The following ARFGEF3 variants were observed in gnomAD, a reference collection of about 807,000 sequenced individuals.
ARFGEF3 encodes brefeldin A-inhibited guanine nucleotide-exchange protein 3.
ARFGEF3 carries 96 observed loss-of-function variants against 221.7 expected under a neutral mutation model. That is an observed-to-expected ratio of 0.43 (90% CI 0.37 to 0.51). ARFGEF3 has a LOEUF of 0.51. ARFGEF3 is among the 20% of genes least tolerant of loss of function. The probability of loss-of-function intolerance (pLI) is 0.00; values close to 1 mark genes in which losing one functional copy is unlikely to be tolerated. For synonymous variants in ARFGEF3, 1,145 were observed against 1,126.8 expected, an observed-to-expected ratio of 1.02 and a Z score of -0.32; for missense variants, 2,410 against 2,789.9, an observed-to-expected ratio of 0.86 and a Z score of 3.07.
chr6:138,218,337 A>G, intron 4 of ARFGEF3: 1 of 1,555,994 alleles, frequency 6.4e-7, no homozygotes, highest in Non-Finnish European at 8.7e-7. Context: ...TCTGATCTGT[A>G]AAATGTGAAT....
intron 14 of ARFGEF3, among the ~76,000 whole-genome samples, chr6:138,284,556 C>T (rs1779253579): frequency 6.6e-6 from 1 of 152,100 alleles, no homozygotes; most frequent in South Asian, 2.1e-4. Context: ...CAGTCCTTTC[C>T]TCGCCATAAC....
intron 2 of ARFGEF3, among the ~76,000 whole-genome samples, chr6:138,198,678 C>G (rs1267652760): frequency 6.8e-6 from 1 of 146,434 alleles, no homozygotes; most frequent in Non-Finnish European, 1.5e-5. Flanking sequence ...AACTCAGCAG[C>G]TAGTTCCAAA....
chr6:138,190,895 T>C (rs1340872187), intron 2 of ARFGEF3, among the ~76,000 whole-genome samples: 2 of 152,170 alleles, frequency 1.3e-5, no homozygotes, highest in Non-Finnish European at 2.9e-5. Flanking sequence ...TTCCCTGTGG[T>C]GGAGAGAGAA....
chr6:138,265,660 C>T (rs769749607), intron 12 of ARFGEF3, among the ~76,000 whole-genome samples: 1 of 152,144 alleles, frequency 6.6e-6, no homozygotes, highest in Non-Finnish European at 1.5e-5. Flanking sequence ...CTCTCAGACA[C>T]ACCCACCCAA....
chr6:138,288,410 G>A (rs1166508779), intron 17 of ARFGEF3, among the ~76,000 whole-genome samples: 1 of 151,140 alleles, frequency 6.6e-6, no homozygotes, highest in Non-Finnish European at 1.5e-5. Flanking sequence ...ACAGCCAGGC[G>A]CAGTGGCTTA....
At chr6:138,284,227 C>T (rs1004463841) in intron 14 of ARFGEF3, among the ~76,000 whole-genome samples, 2 of 152,088 alleles carry the variant, frequency 1.3e-5, no homozygotes, top group Non-Finnish European at 2.9e-5. Context: ...ATCGCTTGAA[C>T]CTGGGAGGTG....
chr6:138,329,588 C>G (rs1780186854), intron 32 of ARFGEF3, among the ~76,000 whole-genome samples: 1 of 152,168 alleles, frequency 6.6e-6, no homozygotes, highest in Non-Finnish European at 1.5e-5. Context: ...CGCTTGAACC[C>G]AGAAGGCGGA....
At position 138,336,453 on chromosome 6, in the gene ARFGEF3, C is replaced by T; in HGVS notation, c.6501C>T (p.Gly2167=). The T allele has an allele frequency of 6.2e-7, 1 of 1,610,978 alleles. No individual in the cohort carries two copies. The highest frequency in any genetic ancestry group is 8.5e-7 in the Non-Finnish European group (1 of 1,178,722). Residue 2167 remains glycine, a synonymous_variant, in exon 34 of 34, where the codon GGC becomes GGT. Transcript: ENST00000251691. ...GCCAGGCTGTGAGGGAGTGGCTGGG[C>T]AGGGTGGGCCGTGTCTATGACATCA... ...RVRQAVREWL[G]RVGRVYDIIV is the part of the protein sequence containing the mutation.
At position 138,176,934 on chromosome 6, in the gene ARFGEF3, G is replaced by A. The variant is rs75307836; in HGVS notation, c.137+6221G>A. Among the ~76,000 whole-genome samples the A allele has an allele frequency of 2.2e-3, 338 of 151,962 alleles. 1 individual carries two copies. Among genetic ancestry groups the A allele is most frequent in the African/African-American group, 7.9e-3 (329 of 41,496 alleles). On this transcript the variant is annotated intron_variant, in intron 2 of 33. Coordinates refer to ENST00000251691, the MANE Select transcript of ARFGEF3 (RefSeq NM_020340.5). ...CTTTGTTTTTCAGCATTTTGAAAAT[G>A]TCATTCAATTTTCTTCTATCTAAGA...
chr6:138,186,545 G>A (rs540279262), intron 2 of ARFGEF3, among the ~76,000 whole-genome samples: 1 of 152,298 alleles, frequency 6.6e-6, no homozygotes, highest in African/African-American at 2.4e-5. Context: ...AGGGTTACAC[G>A]GGAGGCAGGA....
At chr6:138,308,266 C>G (rs1779762719) in intron 23 of ARFGEF3, among the ~76,000 whole-genome samples, 1 of 152,186 alleles carries the variant, frequency 6.6e-6, no homozygotes, top group Admixed American at 6.5e-5. Context: ...TGGGAGTACT[C>G]TGAGAGCTGA....
chr6:138,263,325 C>T lies in ARFGEF3; in HGVS notation c.1842C>T (p.Tyr614=). ...SRTEFDSCDQ[Y]SMAAEKDSGR... ...CAGAGTTTGATTCCTGTGATCAGTACTCTATGGCAGCAGAAAAGGACTCGG... is the reference window on the plus strand; with the variant it reads ...CAGAGTTTGATTCCTGTGATCAGTATTCTATGGCAGCAGAAAAGGACTCGG... The change falls in exon 12 of 34, where the codon TAC becomes TAT. Residue 614 remains tyrosine (Y), a synonymous_variant. Transcript: ENST00000251691. 6.2e-7 allele frequency: 1 copy of T among 1,613,988 alleles called. No individual in the cohort carries two copies. The highest frequency in any genetic ancestry group is 8.5e-7 in the Non-Finnish European group (1 of 1,179,902).
chr6:138,193,150 A>G (rs1442274256), intron 2 of ARFGEF3, among the ~76,000 whole-genome samples: 1 of 152,178 alleles, frequency 6.6e-6, no homozygotes, highest in Admixed American at 6.5e-5. Context: ...CTTCCCTATC[A>G]GGTCACAATG....
chr6:138,278,629 G>T lies in ARFGEF3; in HGVS notation c.2295+12G>T, dbSNP rs375219047. 1.9e-6 allele frequency: 3 copies of T among 1,612,748 alleles called. No individual in the cohort carries two copies. Among genetic ancestry groups the T allele is most frequent in the Non-Finnish European group, 2.5e-6 (3 of 1,179,392 alleles). On this transcript the variant is annotated intron_variant, in intron 13 of 33. Transcript: ENST00000251691. ...CGCCAGGCGTGATGGTGAGTGTGCC[G>T]TCCCTCATTGGACTGGCAGAGGGCA... is the stretch of plus-strand genomic sequence containing the variant.
rs540523488 is a variant in ARFGEF3 at position 138,305,475 on chromosome 6, G to T, written c.3829-1778G>T. 9.9e-5 allele frequency among the ~76,000 whole-genome samples: 15 copies of T among 151,944 alleles called. No homozygotes were observed. The South Asian group carries it at 2.9e-3, about 29-fold the overall frequency. ...ATATATATACATATAGCTGGGTGTG[G>T]TGATGCATGCCTGTAGTCCCAGCTG... On this transcript the variant is annotated intron_variant, in intron 22 of 33. Transcript: ENST00000251691.
intron 4 of ARFGEF3, among the ~76,000 whole-genome samples, chr6:138,226,130 C>G (rs182101522): frequency 6.5e-4 from 99 of 152,246 alleles, no homozygotes; most frequent in African/African-American, 2.3e-3. Flanking sequence ...ACAGAGAAAC[C>G]CCCGATCATG....
intron 22 of ARFGEF3, among the ~76,000 whole-genome samples, chr6:138,304,319 A>G (rs1244729371): frequency 6.6e-6 from 1 of 152,196 alleles, no homozygotes; most frequent in Non-Finnish European, 1.5e-5. Context: ...AAAGTACATT[A>G]GTGGTTGCCT....
In ARFGEF3 at chr6:138,289,825, A is replaced by G. The variant is rs779378146; in HGVS notation, c.2904A>G (p.Leu968=). 1 of 1,613,612 alleles carries G rather than the reference A, an allele frequency of 6.2e-7. No individual in the cohort carries two copies. Among genetic ancestry groups the G allele is most frequent in the Non-Finnish European group, 8.5e-7 (1 of 1,179,670 alleles). The change falls in exon 18 of 34, where the codon CTA becomes CTG. Residue 968 remains leucine, a synonymous_variant. Coordinates refer to ENST00000251691, the MANE Select transcript of ARFGEF3 (RefSeq NM_020340.5). ...EPSDAITQVK[L]KVEQKLEQIG... ...AATGTCTTTCTGGCACAGTGAAACT[A>G]AAAGTGGAGCAGAAACTGGAGCAGA...
intron 21 of ARFGEF3, among the ~76,000 whole-genome samples, chr6:138,297,875 A>G (rs1779550017): frequency 6.6e-6 from 1 of 152,090 alleles, no homozygotes; most frequent in South Asian, 2.1e-4. Context: ...GCTGGTGCAA[A>G]GTCTGGGGCC....
Sources: gnomAD v4.1 joint callset for allele counts (sites outside exome capture counted in the v4.1 genomes callset) on GRCh38, gnomAD v4.1.1 for gene constraint, MANE v1.5 for transcripts, NCBI Gene and HGNC (gene_info 2026-07-23, HGNC 2026-07-21) for gene names.